DNAH9: variants seen among roughly 807,000 people sequenced by gnomAD.
The protein encoded by DNAH9 is dynein axonemal heavy chain 9, also known as DNAH9 variant protein.
A neutral mutation model predicts 471.6 loss-of-function variants in DNAH9; 345 were observed. That is an observed-to-expected ratio of 0.73 (90% CI 0.67 to 0.80). The LOEUF is 0.80. Ranked by LOEUF, DNAH9 falls within the 30% of genes least tolerant of loss-of-function variation. The pLI is 0.00. For missense variants in DNAH9, 5,407 were observed against 5,609.2 expected (o/e 0.96, Z 1.15); for synonymous variants, 2,093 against 2,123.6 (o/e 0.99, Z 0.40).
At chr17:11,930,433 A>C (rs772551856) in intron 63 of DNAH9, among the ~76,000 whole-genome samples, 1 of 152,192 alleles carries the variant, frequency 6.6e-6, no homozygotes, top group Admixed American at 6.5e-5. Flanking sequence ...CTGATGGGCT[A>C]TCTTCAGGCA....
chr17:11,924,811 A>C (rs909687781), intron 62 of DNAH9, among the ~76,000 whole-genome samples: 1 of 151,960 alleles, frequency 6.6e-6, no homozygotes, highest in African/African-American at 2.4e-5. Context: ...TTTAGTAGAG[A>C]CAGGGTTTCA....
intron 35 of DNAH9, among the ~76,000 whole-genome samples, chr17:11,762,789 T>TTTTTTTTTTTTTTTTTTTG: frequency 7.4e-6 from 1 of 135,362 alleles, no homozygotes; most frequent in Non-Finnish European, 1.6e-5. Context: ...TTTTTTTTTT[T>TTTTTTTTTTTTTTTTTTTG]TTTTTTTTGA....
chr17:11,869,352 T>C, intron 51 of DNAH9, 99 bp downstream of exon 51: 1 of 1,472,162 alleles, frequency 6.8e-7, no homozygotes, highest in Non-Finnish European at 9.1e-7. Context: ...AGCAGCGCTT[T>C]GACTTGGAGG....
rs555900880 is a variant in DNAH9, at chr17:11,953,493, T to C, written c.12844-8374T>C. ...TGGGAGTATGTCCTGTTAATGGGCATAATCCATCATGTTTGTTAGAAAAGA... is the reference window on the plus strand; with the variant it reads ...TGGGAGTATGTCCTGTTAATGGGCACAATCCATCATGTTTGTTAGAAAAGA... On this transcript the variant is annotated intron_variant, in intron 67 of 68. Coordinates refer to ENST00000262442, the MANE Select transcript of DNAH9 (RefSeq NM_001372.4). 2.0e-5 allele frequency among the ~76,000 whole-genome samples: 3 copies of C among 152,270 alleles called. No individual in the cohort carries two copies. In the South Asian group the frequency reaches 6.2e-4, roughly 32 times the overall value.
Position 11,619,772 on chromosome 17 carries a change from C to A in DNAH9, c.1341C>A (p.His447Gln), listed in dbSNP as rs201839993. 1.2e-4 allele frequency: 190 copies of A among 1,602,324 alleles called. No homozygotes were observed. Among genetic ancestry groups the A allele is most frequent in the Middle Eastern group, 6.6e-4 (4 of 6,042 alleles). Residue 447 changes from histidine to glutamine, a missense_variant, in exon 6 of 69, where the codon CAC (histidine) becomes CAA (glutamine). This residue lies in a region of DNAH9 where 767 missense variants were observed against 692.5 expected (regional missense o/e 1.11). Transcript: ENST00000262442. ...VRLDGFLGQL[H>Q]VVEGLLKTAL... ...TGGATGGCTTCCTGGGACAACTGCA[C>A]GTGGTGGAGGTGAGTGCGCACCTCA...
At chr17:11,772,724 G>C (rs893774746) in intron 38 of DNAH9, among the ~76,000 whole-genome samples, 1 of 152,156 alleles carries the variant, frequency 6.6e-6, no homozygotes, top group South Asian at 2.1e-4. Context: ...TCTTGGTAAC[G>C]TTAGATCTTG....
At chr17:11,665,015 C>T (rs1469918159) in intron 15 of DNAH9, 47 bp downstream of exon 15, 1 of 1,550,066 alleles carries the variant, frequency 6.5e-7, no homozygotes, top group Non-Finnish European at 8.8e-7. Flanking sequence ...AAGATAACAA[C>T]AGTAACATTT....
intron 3 of DNAH9, among the ~76,000 whole-genome samples, chr17:11,610,844 A>T (rs1224001736): frequency 6.6e-6 from 1 of 151,958 alleles, no homozygotes; most frequent in Non-Finnish European, 1.5e-5. Context: ...AAATTAATCA[A>T]CTCTTTAACA....
chr17:11,624,563 A>T (rs866183970), intron 6 of DNAH9, among the ~76,000 whole-genome samples: 1 of 152,018 alleles, frequency 6.6e-6, no homozygotes, highest in African/African-American at 2.4e-5. Context: ...TTAACAAATG[A>T]GCATAACTAA....
intron 22 of DNAH9, among the ~76,000 whole-genome samples, chr17:11,698,847 C>T (rs1392686106): frequency 1.3e-5 from 2 of 152,108 alleles, no homozygotes; most frequent in Non-Finnish European, 2.9e-5. Flanking sequence ...CCTCAGATGC[C>T]ATGGCTGGGA....
At chr17:11,703,443 T>G (rs1160334965) in intron 24 of DNAH9, among the ~76,000 whole-genome samples, 1 of 152,148 alleles carries the variant, frequency 6.6e-6, no homozygotes, top group Admixed American at 6.5e-5. Context: ...ATGTGTTGCC[T>G]CCTCCTATTG....
At chr17:11,842,039 T>G (rs915330549) in intron 49 of DNAH9, among the ~76,000 whole-genome samples, 1 of 152,156 alleles carries the variant, frequency 6.6e-6, no homozygotes, top group African/African-American at 2.4e-5. Flanking sequence ...GGTATATGTA[T>G]GTTATAATAT....
At chr17:11,788,281 C>G (rs1157692211) in intron 41 of DNAH9, among the ~76,000 whole-genome samples, 1 of 152,146 alleles carries the variant, frequency 6.6e-6, no homozygotes, top group Non-Finnish European at 1.5e-5. Flanking sequence ...GAGACAGAGG[C>G]TGCAATAAAC....
Position 11,744,791 on chromosome 17 carries a change from C to A in DNAH9, c.6112-6C>A, listed in dbSNP as rs1358478321. 1 of 1,608,424 alleles carries A rather than the reference C, an allele frequency of 6.2e-7. No individual in the cohort carries two copies. The highest frequency in any genetic ancestry group is 1.7e-5 in the Admixed American group (1 of 59,692). The stretch of plus-strand genomic sequence containing the variant: ...CTCTGTCACTTTGATCTAACACTGC[C>A]CACAGGATCACTACGACTGGGGCCT... On this transcript the variant is annotated splice_polypyrimidine_tract_variant and splice_region_variant and intron_variant, in intron 30 of 68. Transcript: ENST00000262442.
intron 59 of DNAH9, among the ~76,000 whole-genome samples, chr17:11,898,189 AT>A (rs1377923484): frequency 6.6e-6 from 1 of 151,536 alleles, no homozygotes; most frequent in African/African-American, 2.4e-5. Flanking sequence ...CAGTGGCGAA[AT>A]CTCGGCTCAC....
At chr17:11,746,545 A>G (rs1966886741) in intron 31 of DNAH9, among the ~76,000 whole-genome samples, 1 of 152,106 alleles carries the variant, frequency 6.6e-6, no homozygotes, top group African/African-American at 2.4e-5. Flanking sequence ...GTGAGAACTC[A>G]CTCAGTATCA....
chr17:11,932,202 A>G lies in DNAH9; in HGVS notation c.12294A>G (p.Ala4098=). The G allele has an allele frequency of 6.2e-7, 1 of 1,613,946 alleles. No homozygotes were observed. Among genetic ancestry groups the G allele is most frequent in the Non-Finnish European group, 8.5e-7 (1 of 1,179,940 alleles). Residue 4098 remains alanine, a synonymous_variant, in exon 64 of 69, where the codon GCA becomes GCG. Transcript: ENST00000262442. This position sits in a 1 kb window ranked among gnomAD's most constrained non-coding sequence, Gnocchi z 4.3. ...TCTACAACTTCCTGGAGGCCAACGC[A>G]AAGGTAAAGGCCATGGACATTCAGG... ...NVLYNFLEAN[A]KVPYDDLRYL...
At chr17:11,931,969 A>G in intron 63 of DNAH9, 45 bp from the exon 64 acceptor site, 1 of 1,602,032 alleles carries the variant, frequency 6.2e-7, no homozygotes, top group South Asian at 1.1e-5. Flanking sequence ...AGCCCCGTAT[A>G]AGAGAAGTTG....
chr17:11,679,457 T>C (rs1417178403), intron 17 of DNAH9, among the ~76,000 whole-genome samples: 1 of 152,252 alleles, frequency 6.6e-6, no homozygotes. Flanking sequence ...AGAGAACCTC[T>C]GAAATGACCT....
Sources: allele counts gnomAD v4.1 joint callset (sites outside exome capture counted in the v4.1 genomes callset), GRCh38; gene constraint gnomAD v4.1.1; regional missense constraint gnomAD v4.1.1; non-coding constraint Gnocchi (gnomAD v3.1); transcripts MANE v1.5; gene names NCBI Gene and HGNC (gene_info 2026-07-23, HGNC 2026-07-21).